PTPRD: variants seen among roughly 807,000 people sequenced by gnomAD.
PTPRD encodes receptor-type tyrosine-protein phosphatase delta.
A neutral mutation model predicts 214.5 loss-of-function variants in PTPRD; 34 were observed. The ratio of observed to expected loss-of-function variants is 0.16; its 90% CI spans 0.12 to 0.21. PTPRD has a LOEUF of 0.21. PTPRD is among the 10% of genes least tolerant of loss of function. The pLI is 1.00. For synonymous variants in PTPRD, 1,128 were observed against 845.7 expected, an observed-to-expected ratio of 1.33 and a Z score of -5.79; for missense variants, 2,545 against 2,398.7, an observed-to-expected ratio of 1.06 and a Z score of -1.27.
chr9:10,448,928 C>T (rs543073051), intron 2 of PTPRD, among the ~76,000 whole-genome samples: 1 of 152,076 alleles, frequency 6.6e-6, no homozygotes, highest in Non-Finnish European at 1.5e-5. Flanking sequence ...ACTTCATTAA[C>T]TTAGTAATGA....
intron 2 of PTPRD, among the ~76,000 whole-genome samples, chr9:10,544,073 A>G (rs989807617): frequency 2.0e-5 from 3 of 152,212 alleles, no homozygotes; most frequent in Non-Finnish European, 2.9e-5. Context: ...TAACTTTGAA[A>G]AACAAATAGA....
intron 7 of PTPRD, among the ~76,000 whole-genome samples, chr9:9,729,010 G>C (rs1464451611): frequency 6.6e-6 from 1 of 152,102 alleles, no homozygotes; most frequent in African/African-American, 2.4e-5. Context: ...TAAAAGTCAG[G>C]AGAGAATTAT....
intron 11 of PTPRD, among the ~76,000 whole-genome samples, chr9:8,753,000 A>G (rs1010570662): frequency 3.3e-5 from 5 of 152,206 alleles, no homozygotes; most frequent in African/African-American, 1.2e-4. Flanking sequence ...TCTTCAGTAC[A>G]TTTACCCTAC....
chr9:8,699,892 C>G (rs2098033286), intron 12 of PTPRD, among the ~76,000 whole-genome samples: 1 of 152,094 alleles, frequency 6.6e-6, no homozygotes, highest in Non-Finnish European at 1.5e-5. Context: ...AGGGCAAAAA[C>G]TAAACATGGC....
At chr9:10,549,816 A>T (rs2060925356) in intron 2 of PTPRD, among the ~76,000 whole-genome samples, 1 of 151,752 alleles carries the variant, frequency 6.6e-6, no homozygotes, top group South Asian at 2.1e-4. Flanking sequence ...TTTTAAAAAG[A>T]TTTTTTTTTA....
chr9:9,781,298 C>G (rs2098840913), intron 5 of PTPRD, among the ~76,000 whole-genome samples: 1 of 151,894 alleles, frequency 6.6e-6, no homozygotes, highest in Non-Finnish European at 1.5e-5. Flanking sequence ...GTTATAAACT[C>G]AATATTTTGT....
At chr9:8,499,051 C>T (rs527754573) in intron 25 of PTPRD, among the ~76,000 whole-genome samples, 8 of 152,112 alleles carry the variant, frequency 5.3e-5, no homozygotes, top group African/African-American at 1.9e-4. Flanking sequence ...CTTGGTTCAA[C>T]GTAAGGATCC....
chr9:8,617,721 T>G (rs950339108), intron 14 of PTPRD, among the ~76,000 whole-genome samples: 33 of 152,146 alleles, frequency 2.2e-4, no homozygotes, highest in Admixed American at 2.0e-3. Flanking sequence ...AATGAAACTC[T>G]TGAGTAGATA....
chr9:9,414,386 T>C (rs1405953468), intron 8 of PTPRD, among the ~76,000 whole-genome samples: 1 of 152,124 alleles, frequency 6.6e-6, no homozygotes, highest in East Asian at 1.9e-4. Flanking sequence ...GGTCTTTGCA[T>C]CAAAAAATAG....
intron 11 of PTPRD, among the ~76,000 whole-genome samples, chr9:8,937,995 C>T (rs2099008755): frequency 6.6e-6 from 1 of 152,132 alleles, no homozygotes; most frequent in African/African-American, 2.4e-5. Context: ...ACAATTTAGT[C>T]TTACTAAATA....
chr9:8,908,170 G>T (rs1004207198), intron 11 of PTPRD, among the ~76,000 whole-genome samples: 1 of 152,134 alleles, frequency 6.6e-6, no homozygotes, highest in Non-Finnish European at 1.5e-5. Flanking sequence ...CTGAAAAAAT[G>T]TCTACCAAGA....
intron 9 of PTPRD, among the ~76,000 whole-genome samples, chr9:9,247,487 G>A (rs988356193): frequency 7.2e-5 from 11 of 151,958 alleles, no homozygotes; most frequent in African/African-American, 2.7e-4. Flanking sequence ...TTTCATTATA[G>A]GAGTGTTGGC....
rs567970959 is a variant in PTPRD, at chr9:8,828,206, C to G, written c.-103-94260G>C. 4.8e-4 allele frequency among the ~76,000 whole-genome samples: 73 copies of G among 152,272 alleles called. No individual in the cohort carries two copies. The South Asian group carries it at 0.014, about 29-fold the overall frequency. ...TGATACTCAAAGACTTGTGTTTAAA[C>G]ATGACTATGCACAATGGACTAAATG... On this transcript the variant is annotated intron_variant, in intron 11 of 45. Transcript: ENST00000381196.
chr9:8,836,144 T>C (rs1704960089), intron 11 of PTPRD, among the ~76,000 whole-genome samples: 2 of 152,204 alleles, frequency 1.3e-5, no homozygotes, highest in South Asian at 4.1e-4. Flanking sequence ...TGCTCTATTA[T>C]ACAAATAAAG....
intron 3 of PTPRD, among the ~76,000 whole-genome samples, chr9:10,151,256 CTTTTTTTTTTTTT>C (rs71321228): frequency 8.1e-5 from 1 of 12,384 alleles, no homozygotes; most frequent in African/African-American, 3.2e-4. Flanking sequence ...TTTTTGTTAA[CTTTTTTTTTTTTT>C]TTTTTTTTTT....
chr9:8,723,067 A>G (rs1481188084), intron 12 of PTPRD, among the ~76,000 whole-genome samples: 10 of 152,060 alleles, frequency 6.6e-5, no homozygotes, highest in Admixed American at 5.9e-4. Context: ...TCCCAATAAT[A>G]TATGTGTTTC....
intron 2 of PTPRD, among the ~76,000 whole-genome samples, chr9:10,482,226 C>G (rs1210896462): frequency 6.6e-6 from 1 of 151,808 alleles, no homozygotes; most frequent in South Asian, 2.1e-4. Context: ...AAAAAATTAG[C>G]CGGGCGTGGT....
At chr9:8,763,281 T>C (rs2094517170) in intron 11 of PTPRD, among the ~76,000 whole-genome samples, 1 of 151,646 alleles carries the variant, frequency 6.6e-6, no homozygotes, top group Non-Finnish European at 1.5e-5. Flanking sequence ...GGAGGCCGAG[T>C]TGGATGGATC....
At chr9:8,387,275 A>G (rs1359164698) in intron 37 of PTPRD, among the ~76,000 whole-genome samples, 1 of 152,164 alleles carries the variant, frequency 6.6e-6, no homozygotes, top group Non-Finnish European at 1.5e-5. Flanking sequence ...ACAGAAAGAT[A>G]AACTGTAGGT....
Sources: gnomAD v4.1 joint callset for allele counts (sites outside exome capture counted in the v4.1 genomes callset) on GRCh38, gnomAD v4.1.1 for gene constraint, MANE v1.5 for transcripts, NCBI Gene and HGNC (gene_info 2026-07-23, HGNC 2026-07-21) for gene names.